LONRF2: variants seen among roughly 807,000 people sequenced by gnomAD.
LONRF2 encodes LON peptidase N-terminal domain and RING finger protein 2.
In LONRF2, 35 loss-of-function variants were observed where a neutral mutation model predicts 66.6. The observed-to-expected ratio is 0.53, with a 90% CI of 0.40 to 0.70. The LOEUF (loss-of-function observed/expected upper bound fraction) is 0.70. Ranked by LOEUF, LONRF2 falls within the 30% of genes least tolerant of loss-of-function variation. The pLI is 0.00. For missense variants in LONRF2, 902 were observed against 1,002.1 expected, an observed-to-expected ratio of 0.90 and a Z score of 1.35; for synonymous variants, 417 against 418.1, an observed-to-expected ratio of 1.00 and a Z score of 0.03.
Position 100,280,462 on chromosome 2 carries a change from C to T in LONRF2, c.*3836G>A, listed in dbSNP as rs1407938803. Reference sequence around the variant, plus strand: ...GGGAAGAACTCCTTCCACTGAATGCCGCTGCTGTCTATGCTAAAACATGGG... The same window carrying T: ...GGGAAGAACTCCTTCCACTGAATGCTGCTGCTGTCTATGCTAAAACATGGG... On this transcript the variant is annotated 3_prime_UTR_variant, in exon 12 of 12. Coordinates refer to ENST00000393437, the MANE Select transcript of LONRF2 (RefSeq NM_198461.4). 6.6e-6 allele frequency: 1 copy of T among 152,120 alleles called. No individual in the cohort carries two copies. Among genetic ancestry groups the T allele is most frequent in the Non-Finnish European group, 1.5e-5 (1 of 68,082 alleles). The allele number at this position is 152,120 out of a possible 1,614,324, so 9.4% of individuals were successfully genotyped here.
At chr2:100,293,880 G>A (rs900327204) in intron 9 of LONRF2, among the ~76,000 whole-genome samples, 7 of 152,098 alleles carry the variant, frequency 4.6e-5, no homozygotes, top group South Asian at 2.1e-4. Flanking sequence ...AAGCCCAGCC[G>A]CAATTTTCCT....
Position 100,321,436 on chromosome 2 carries a change from A to C in LONRF2, c.658T>G (p.Cys220Gly). The change falls in exon 1 of 12, where the codon TGC (cysteine) becomes GGC (glycine). Residue 220 changes from cysteine (C) to glycine (G), a missense_variant. Around this residue, in one of 2 missense-constraint regions of LONRF2, gnomAD observed 585 missense variants for 569.9 expected, o/e 1.03. Transcript: ENST00000393437. ...QQQPEAALLRCDQALELAPDD... is the reference protein window; with the variant it reads ...QQQPEAALLRGDQALELAPDD... ...TCACCCAGCTCCAGGGCCTGGTCGC[A>C]CCTGAGCAGCGCGGCCTCCGGCTGC... 2 of 1,490,398 alleles carry C rather than the reference A, an allele frequency of 1.3e-6. No individual in the cohort carries two copies. The highest frequency in any genetic ancestry group is 1.8e-6 in the Non-Finnish European group (2 of 1,130,296). The allele number at this position is 1,490,398 out of a possible 1,614,324, so 92.3% of individuals were successfully genotyped here. A position where few individuals can be genotyped will look rare whatever the true frequency, so the allele number is the denominator to read the frequency against.
intron 10 of LONRF2, 47 bp from the exon 11 acceptor site, chr2:100,287,110 C>A: frequency 6.4e-7 from 1 of 1,564,564 alleles, no homozygotes; most frequent in Non-Finnish European, 8.7e-7. Flanking sequence ...CACAGTAATG[C>A]ACGTAACACA....
At chr2:100,292,242 T>G (rs1674977229) in intron 9 of LONRF2, among the ~76,000 whole-genome samples, 1 of 152,032 alleles carries the variant, frequency 6.6e-6, no homozygotes, top group African/African-American at 2.4e-5. Context: ...TCCAGACAAA[T>G]GTCAGCTCCT....
intron 4 of LONRF2, 34 bp downstream of exon 4, chr2:100,300,610 C>T: frequency 3.2e-6 from 5 of 1,576,234 alleles, no homozygotes; most frequent in Non-Finnish European, 4.3e-6. Flanking sequence ...AAAGCTTAAT[C>T]AAGAGAATCC....
At position 100,284,015 on chromosome 2, in the gene LONRF2, C is replaced by T; in HGVS notation, c.*283G>A. ...TGTAAACCATCTGCAGGGTCCTGTG[C>T]TGTCAGTGAACTGCATTCCCCAAGC... On this transcript the variant is annotated 3_prime_UTR_variant, in exon 12 of 12. Coordinates refer to ENST00000393437, the MANE Select transcript of LONRF2 (RefSeq NM_198461.4). 9.8e-6 allele frequency: 3 copies of T among 307,426 alleles called. No individual in the cohort carries two copies. The highest frequency in any genetic ancestry group is 1.8e-5 in the Non-Finnish European group (3 of 165,404). 19.0% of individuals were successfully genotyped at this position (307,426 alleles called of 1,614,324 possible). A position where few individuals can be genotyped will look rare whatever the true frequency, so the allele number is the denominator to read the frequency against.
In LONRF2 at chr2:100,284,216, C is replaced by A; in HGVS notation, c.*82G>T. ...CCTCATCCACAAGCACTTGATGAAG[C>A]ACAATGAATGGACGGCTATTCGTCC... On this transcript the variant is annotated 3_prime_UTR_variant, in exon 12 of 12. Transcript: ENST00000393437. 1 of 1,298,176 alleles carries A rather than the reference C, an allele frequency of 7.7e-7. No homozygotes were observed. The highest frequency in any genetic ancestry group is 1.5e-5 in the African/African-American group (1 of 66,296). The allele number at this position is 1,298,176 out of a possible 1,614,324, so 80.4% of individuals were successfully genotyped here.
chr2:100,300,072 A>G (rs1675152331), intron 4 of LONRF2, among the ~76,000 whole-genome samples, 154 bp from the exon 5 acceptor site: 1 of 152,060 alleles, frequency 6.6e-6, no homozygotes, highest in African/African-American at 2.4e-5. Flanking sequence ...AATTTCTAAG[A>G]TGAGCTTTAT....
At position 100,321,456 on chromosome 2, in the gene LONRF2, G is replaced by T; in HGVS notation, c.638C>A (p.Pro213Gln). The part of the protein sequence containing the change: ...QARSLQRQQQ[P>Q]EAALLRCDQA... ...GTCGCACCTGAGCAGCGCGGCCTCCGGCTGCTGCTGGCGCTGCAGGCTCCG... is the reference window on the plus strand; with the variant it reads ...GTCGCACCTGAGCAGCGCGGCCTCCTGCTGCTGCTGGCGCTGCAGGCTCCG... Residue 213 changes from proline (P) to glutamine (Q), a missense_variant, in exon 1 of 12, where the codon CCG becomes CAG. Physicochemically the swap from Pro to Gln is moderately conservative, Grantham distance 76. Transcript: ENST00000393437. 2 of 1,497,988 alleles carry T rather than the reference G, an allele frequency of 1.3e-6. No individual in the cohort carries two copies. Among genetic ancestry groups the T allele is most frequent in the South Asian group, 1.3e-5 (1 of 79,552 alleles). The allele number at this position is 1,497,988 out of a possible 1,614,324, so 92.8% of individuals were successfully genotyped here.
At chr2:100,321,169 G>C (rs995491329) in intron 1 of LONRF2, among the ~76,000 whole-genome samples, 1 of 152,152 alleles carries the variant, frequency 6.6e-6, no homozygotes, top group African/African-American at 2.4e-5. Context: ...GAGCTGCTCC[G>C]GGGGCCGCGG....
At chr2:100,310,012 T>A (rs1413125197) in intron 1 of LONRF2, among the ~76,000 whole-genome samples, 1 of 152,228 alleles carries the variant, frequency 6.6e-6, no homozygotes, top group Non-Finnish European at 1.5e-5. Flanking sequence ...GATGTTGATT[T>A]GTCCCCATAA....
At chr2:100,299,434 C>A in intron 5 of LONRF2, 115 bp from the exon 6 acceptor site, 3 of 640,808 alleles carry the variant, frequency 4.7e-6, no homozygotes, top group Non-Finnish European at 5.2e-6. Flanking sequence ...ACAAATCACA[C>A]TGGGCAGAAA....
At position 100,321,379 on chromosome 2, in the gene LONRF2, T is replaced by A. The variant is rs1001696863; in HGVS notation, c.679+36A>T. The A allele has an allele frequency of 2.9e-6, 4 of 1,391,946 alleles. No individual in the cohort carries two copies. In the African/African-American group the frequency reaches 6.1e-5, roughly 21 times the overall value. The allele number at this position is 1,391,946 out of a possible 1,614,324, so 86.2% of individuals were successfully genotyped here. ...CCACCCCGCTGCTGGGCCGGACAGG[T>A]GTAGGGGAGGCGGACCCGCCCCGCA... On this transcript the variant is annotated intron_variant, in intron 1 of 11. Coordinates refer to ENST00000393437, the MANE Select transcript of LONRF2 (RefSeq NM_198461.4).
rs1335739174 is a variant in LONRF2 at position 100,280,437 on chromosome 2, G to A, written c.*3861C>T. 6.6e-6 allele frequency: 1 copy of A among 152,160 alleles called. No individual in the cohort carries two copies. Among genetic ancestry groups the A allele is most frequent in the South Asian group, 2.1e-4 (1 of 4,828 alleles). The allele number at this position is 152,160 out of a possible 1,614,324, so 9.4% of individuals were successfully genotyped here. On this transcript the variant is annotated 3_prime_UTR_variant, in exon 12 of 12. Transcript: ENST00000393437. ...GCCTTTGGGAAGGACGATGTTGAAG[G>A]GGAAGAACTCCTTCCACTGAATGCC... is the stretch of plus-strand genomic sequence containing the variant.
Position 100,281,595 on chromosome 2 carries a change from T to C in LONRF2, c.*2703A>G, listed in dbSNP as rs1206680414. 2 of 152,128 alleles carry C rather than the reference T, an allele frequency of 1.3e-5. No individual in the cohort carries two copies. Among genetic ancestry groups the C allele is most frequent in the African/African-American group, 2.4e-5 (1 of 41,416 alleles). The allele number at this position is 152,128 out of a possible 1,614,324, so 9.4% of individuals were successfully genotyped here. ...CAAAGACACAGGCAGGTTTGGGCGA[T>C]GAATGGAAAAATACAGAACAGCATG... On this transcript the variant is annotated 3_prime_UTR_variant, in exon 12 of 12. Transcript: ENST00000393437.
rs1466581044 is a variant in LONRF2, at chr2:100,277,547, G to A, written c.*6751C>T. ...GAGGTCATCCTCCCGCAGACCCCTT[G>A]GTGTCCCTTAGATTAACTGAGTGAA... On this transcript the variant is annotated 3_prime_UTR_variant, in exon 12 of 12. Coordinates refer to ENST00000393437, the MANE Select transcript of LONRF2 (RefSeq NM_198461.4). 6.6e-6 allele frequency: 1 copy of A among 152,150 alleles called. No individual in the cohort carries two copies. Among genetic ancestry groups the A allele is most frequent in the African/African-American group, 2.4e-5 (1 of 41,388 alleles). 9.4% of individuals were successfully genotyped at this position (152,150 alleles called of 1,614,324 possible). A position where few individuals can be genotyped will look rare whatever the true frequency, so the allele number is the denominator to read the frequency against.
At chr2:100,308,873 T>G (rs1305249703) in intron 2 of LONRF2, among the ~76,000 whole-genome samples, 1 of 152,192 alleles carries the variant, frequency 6.6e-6, no homozygotes, top group Non-Finnish European at 1.5e-5. Flanking sequence ...ATTATTCAGC[T>G]AAATATCTAT....
intron 4 of LONRF2, 75 bp from the exon 5 acceptor site, chr2:100,299,993 T>G (rs1214485295): frequency 1.6e-6 from 1 of 643,742 alleles, no homozygotes. Context: ...TGCAGAAGCC[T>G]GTACTAGAAA....
At chr2:100,320,633 G>GTTTC (rs1675601432) in intron 1 of LONRF2, among the ~76,000 whole-genome samples, 2 of 152,106 alleles carry the variant, frequency 1.3e-5, no homozygotes, top group African/African-American at 2.4e-5. Context: ...TTATAAAACC[G>GTTTC]GTGAAACCAG....
Sources: gnomAD v4.1 joint callset for allele counts (sites outside exome capture counted in the v4.1 genomes callset) on GRCh38, gnomAD v4.1.1 for gene constraint, gnomAD v4.1.1 regional missense constraint, MANE v1.5 for transcripts, NCBI Gene and HGNC (gene_info 2026-07-23, HGNC 2026-07-21) for gene names.